The following TRIP12 variants were observed in gnomAD, a reference collection of about 807,000 sequenced individuals.
TRIP12 encodes E3 ubiquitin-protein ligase TRIP12.
TRIP12 carries 25 observed loss-of-function variants against 244.2 expected under a neutral mutation model. The ratio of observed to expected loss-of-function variants is 0.10; its 90% CI spans 0.07 to 0.14. TRIP12 has a LOEUF of 0.14. Among genes scored for constraint, TRIP12 ranks in the 10% least tolerant of loss-of-function variants. TRIP12 has a pLI of 1.00. For synonymous variants in TRIP12, 905 were observed against 873.1 expected, an observed-to-expected ratio of 1.04 and a Z score of -0.64; for missense variants, 1,677 against 2,486.4, an observed-to-expected ratio of 0.67 and a Z score of 6.92.
intron 39 of TRIP12, among the ~76,000 whole-genome samples, chr2:229,770,714 T>C (rs1362630555): frequency 2.0e-5 from 3 of 152,190 alleles, no homozygotes; most frequent in African/African-American, 7.2e-5. Context: ...TCCCACCTGC[T>C]GTGGGAATGA....
intron 30 of TRIP12, 53 bp from the exon 31 acceptor site, chr2:229,789,815 C>T (rs2040976317): frequency 1.3e-6 from 2 of 1,595,862 alleles, no homozygotes; most frequent in Non-Finnish European, 1.7e-6. Flanking sequence ...AAGGCTAAGC[C>T]AGTGCAGCCA....
upstream of TRIP12, among the ~76,000 whole-genome samples, chr2:229,922,769 C>T (rs533599464): frequency 6.6e-6 from 1 of 152,332 alleles, no homozygotes; most frequent in South Asian, 2.1e-4. Flanking sequence ...TCGGCCTCCT[C>T]GGTCCGACGG....
intron 8 of TRIP12, among the ~76,000 whole-genome samples, chr2:229,825,562 G>A (rs865788490): frequency 2.6e-5 from 4 of 152,156 alleles, no homozygotes; most frequent in Non-Finnish European, 5.9e-5. Context: ...TCCTCACAGG[G>A]CAGCAGAAAA....
chr2:229,897,179 A>G (rs1227270489), intron 1 of TRIP12, among the ~76,000 whole-genome samples: 2 of 152,196 alleles, frequency 1.3e-5, no homozygotes, highest in Non-Finnish European at 2.9e-5. Context: ...CAGAGATAAA[A>G]AGAGTACCTC....
chr2:229,764,513 ATTTTT>A lies in TRIP12; in HGVS notation c.*3036_*3040del, dbSNP rs532683911. ...GCACTTTTATGAAAAACTTCATCAC[ATTTTT>A]TTTTTGGAATAGACTCCACTCTCAT... On this transcript the variant is annotated 3_prime_UTR_variant, in exon 42 of 42. Coordinates refer to ENST00000675903, the MANE Select transcript of TRIP12 (RefSeq NM_001348323.3). 6.7e-6 allele frequency: 1 copy of A among 150,056 alleles called. No individual in the cohort carries two copies. The highest frequency in any genetic ancestry group is 1.5e-5 in the Non-Finnish European group (1 of 67,274). 9.3% of individuals were successfully genotyped at this position (150,056 alleles called of 1,614,324 possible).
At chr2:229,860,149 TA>T (rs1249472764) in intron 3 of TRIP12, among the ~76,000 whole-genome samples, 1 of 151,768 alleles carries the variant, frequency 6.6e-6, no homozygotes, top group Non-Finnish European at 1.5e-5. Context: ...AAAATGGCCA[TA>T]ATGGTTTGTT....
intron 39 of TRIP12, 58 bp from the exon 40 acceptor site, chr2:229,769,383 GA>G: frequency 6.6e-7 from 1 of 1,505,342 alleles, no homozygotes; most frequent in Non-Finnish European, 9.2e-7. Context: ...TTACGTGAGT[GA>G]AAATAAAGGT....
intron 17 of TRIP12, 161 bp downstream of exon 17, chr2:229,807,547 G>T: frequency 1.1e-6 from 1 of 880,808 alleles, no homozygotes; most frequent in South Asian, 1.5e-5. Context: ...TTTCTGACCT[G>T]AACAGAAATG....
At chr2:229,871,114 C>T (rs566311570) in intron 2 of TRIP12, among the ~76,000 whole-genome samples, 13 of 142,526 alleles carry the variant, frequency 9.1e-5, no homozygotes, top group African/African-American at 3.1e-4. Context: ...ACAGAGGTTG[C>T]AGTGAGTCAA....
chr2:229,912,740 C>G (rs7602607), intron 1 of TRIP12, among the ~76,000 whole-genome samples: 46,525 of 152,126 alleles, frequency 0.31, 7,344 homozygotes, highest in Middle Eastern at 0.45. Context: ...TCGTAAGTTT[C>G]AACTCATCTA....
chr2:229,850,542 G>A (rs2058458936), intron 4 of TRIP12, among the ~76,000 whole-genome samples: 1 of 152,214 alleles, frequency 6.6e-6, no homozygotes, highest in African/African-American at 2.4e-5. Flanking sequence ...GAAACTGAAA[G>A]GTGACAGCGT....
At chr2:229,865,552 A>G (rs2061390252) in intron 2 of TRIP12, among the ~76,000 whole-genome samples, 1 of 148,672 alleles carries the variant, frequency 6.7e-6, no homozygotes, top group African/African-American at 2.4e-5. Context: ...GTATTACATA[A>G]TATACATGCA....
Position 229,879,868 on chromosome 2 carries a change from A to G in TRIP12, c.98+114T>C, listed in dbSNP as rs1339765137. 3.4e-6 allele frequency: 4 copies of G among 1,185,136 alleles called. No homozygotes were observed. In the African/African-American group the frequency reaches 6.1e-5, roughly 18 times the overall value. The allele number at this position is 1,185,136 out of a possible 1,614,324, so 73.4% of individuals were successfully genotyped here. Reference sequence around the variant, plus strand: ...CTTTTAAGTACCTGGCTCACAAATCAGGAAAAATTACCCATATGCAATGAA... The same window carrying G: ...CTTTTAAGTACCTGGCTCACAAATCGGGAAAAATTACCCATATGCAATGAA... On this transcript the variant is annotated intron_variant, in intron 2 of 41. Transcript: ENST00000675903.
chr2:229,805,976 A>G (rs1427977808), intron 17 of TRIP12, 93 bp from the exon 18 acceptor site: 7 of 1,055,104 alleles, frequency 6.6e-6, no homozygotes, highest in African/African-American at 6.3e-5. Flanking sequence ...GCTATCTTAC[A>G]TATTTATTTC....
At chr2:229,801,521 T>C (rs973591812) in intron 21 of TRIP12, among the ~76,000 whole-genome samples, 1 of 152,190 alleles carries the variant, frequency 6.6e-6, no homozygotes, top group Non-Finnish European at 1.5e-5. Flanking sequence ...CTGAAGTGAA[T>C]ACATACTGAA....
intron 38 of TRIP12, among the ~76,000 whole-genome samples, chr2:229,772,433 TCA>T (rs1192957985): frequency 2.0e-5 from 3 of 152,202 alleles, no homozygotes; most frequent in African/African-American, 7.2e-5. Flanking sequence ...TACTTATGAA[TCA>T]CAGAACTGTT....
In TRIP12 at chr2:229,801,191, C is replaced by T. The variant is rs543124391; in HGVS notation, c.3206+1061G>A. ...CAGGGATGTGGAAGAGTCCCCAGAA[C>T]TCTCCAAGCCCAATCTCCTCAGACT... On this transcript the variant is annotated intron_variant, in intron 21 of 41. Transcript: ENST00000675903. 2.6e-5 allele frequency among the ~76,000 whole-genome samples: 4 copies of T among 152,316 alleles called. No homozygotes were observed. In the East Asian group the frequency reaches 7.7e-4, roughly 29 times the overall value.
intron 37 of TRIP12, among the ~76,000 whole-genome samples, chr2:229,776,944 T>C (rs1350766793): frequency 6.6e-6 from 1 of 152,206 alleles, no homozygotes. Context: ...AACAAGACTG[T>C]TCCTAAATTA....
chr2:229,901,767 G>T (rs1466272162), intron 1 of TRIP12, among the ~76,000 whole-genome samples: 2 of 152,084 alleles, frequency 1.3e-5, no homozygotes, highest in Non-Finnish European at 2.9e-5. Flanking sequence ...GCAATTACCA[G>T]ACAGTTCTGT....
Sources: gnomAD v4.1 joint callset for allele counts (sites outside exome capture counted in the v4.1 genomes callset) on GRCh38, gnomAD v4.1.1 for gene constraint, MANE v1.5 for transcripts, NCBI Gene and HGNC (gene_info 2026-07-23, HGNC 2026-07-21) for gene names.